Variants in FARS2 observed in about 807,000 individuals in gnomAD.
The protein encoded by FARS2 is phenylalanine--tRNA ligase, mitochondrial.
A neutral mutation model predicts 46.4 loss-of-function variants in FARS2; 40 were observed. The ratio of observed to expected loss-of-function variants is 0.86; its 90% CI spans 0.67 to 1.12. The LOEUF is 1.12. FARS2 is among the 50% of genes most tolerant of loss of function. The pLI is 0.00. For synonymous variants in FARS2, 234 were observed against 214.9 expected, an observed-to-expected ratio of 1.09 and a Z score of -0.78; for missense variants, 513 against 567.9, an observed-to-expected ratio of 0.90 and a Z score of 0.98.
At chr6:5,419,600 G>C (rs2127747129) in intron 3 of FARS2, among the ~76,000 whole-genome samples, 1 of 152,274 alleles carries the variant, frequency 6.6e-6, no homozygotes, top group South Asian at 2.1e-4. Flanking sequence ...TCCAGAGTGA[G>C]ATTTCCCAGG....
chr6:5,466,144 G>T (rs1765503179), intron 4 of FARS2, among the ~76,000 whole-genome samples: 2 of 152,040 alleles, frequency 1.3e-5, no homozygotes, highest in South Asian at 4.2e-4. Context: ...TTCTCTCTTT[G>T]CCTTGGTAAC....
intron 6 of FARS2, among the ~76,000 whole-genome samples, chr6:5,623,463 C>G (rs1404316763): frequency 6.6e-6 from 1 of 152,116 alleles, no homozygotes; most frequent in African/African-American, 2.4e-5. Flanking sequence ...TGTGTAATCC[C>G]AGCACTTTTG....
At chr6:5,293,511 C>T (rs200732751) in intron 1 of FARS2, among the ~76,000 whole-genome samples, 1 of 152,294 alleles carries the variant, frequency 6.6e-6, no homozygotes, top group East Asian at 1.9e-4. Context: ...AACCACAACA[C>T]TGGGCCATGT....
intron 6 of FARS2, among the ~76,000 whole-genome samples, chr6:5,733,904 T>G (rs969789295): frequency 1.3e-5 from 2 of 152,236 alleles, no homozygotes; most frequent in African/African-American, 4.8e-5. Context: ...GAGTAGGGAT[T>G]GGAATAGCCT....
At chr6:5,392,510 A>G (rs1406317455) in intron 2 of FARS2, among the ~76,000 whole-genome samples, 2 of 152,088 alleles carry the variant, frequency 1.3e-5, no homozygotes, top group Admixed American at 1.3e-4. Flanking sequence ...CTGTGAAATC[A>G]TGGGTTTGAT....
At chr6:5,467,176 T>C (rs2432799) in intron 4 of FARS2, 168,600 of 658,458 alleles carry the variant, frequency 0.26, 21,349 homozygotes, top group South Asian at 0.31. Context: ...TTTACATTTT[T>C]TGACTGTATG....
intron 1 of FARS2, among the ~76,000 whole-genome samples, chr6:5,261,997 A>G (rs36055504): frequency 0.35 from 53,783 of 151,866 alleles, 11,432 homozygotes; most frequent in African/African-American, 0.6. Flanking sequence ...CACTGGACGC[A>G]GGAAGCTTCA....
intron 2 of FARS2, among the ~76,000 whole-genome samples, chr6:5,372,927 A>C (rs540806766): frequency 6.6e-6 from 1 of 152,192 alleles, no homozygotes; most frequent in Admixed American, 6.5e-5. Context: ...TTACAAAAAA[A>C]GTGGAAGGGA....
chr6:5,638,751 G>T (rs1326108137), intron 6 of FARS2, among the ~76,000 whole-genome samples: 1 of 152,198 alleles, frequency 6.6e-6, no homozygotes, highest in Non-Finnish European at 1.5e-5. Context: ...GGACCCTGCT[G>T]CTCCTGACGA....
chr6:5,743,288 T>G (rs547571657), intron 6 of FARS2, among the ~76,000 whole-genome samples: 1 of 152,198 alleles, frequency 6.6e-6, no homozygotes, highest in Non-Finnish European at 1.5e-5. Context: ...ATGACCACAT[T>G]GGAAATGGCA....
At chr6:5,398,272 TATTA>T (rs1336411996) in intron 2 of FARS2, among the ~76,000 whole-genome samples, 1 of 152,208 alleles carries the variant, frequency 6.6e-6, no homozygotes, top group Non-Finnish European at 1.5e-5. Context: ...ATTCTAAAGG[TATTA>T]ATTAGAATTT....
intron 5 of FARS2, among the ~76,000 whole-genome samples, chr6:5,552,595 C>G (rs955561088): frequency 6.6e-6 from 1 of 152,150 alleles, no homozygotes; most frequent in Admixed American, 6.5e-5. Context: ...GAGTCCTCAC[C>G]TGTGTGACTC....
At chr6:5,582,766 T>A (rs1773407959) in intron 5 of FARS2, among the ~76,000 whole-genome samples, 1 of 152,184 alleles carries the variant, frequency 6.6e-6, no homozygotes, top group Non-Finnish European at 1.5e-5. Context: ...AGTTAAAAAA[T>A]TTTTGTTTGC....
chr6:5,762,648 C>T (rs1259901055), intron 6 of FARS2, among the ~76,000 whole-genome samples: 6 of 152,232 alleles, frequency 3.9e-5, no homozygotes, highest in Non-Finnish European at 8.8e-5. Flanking sequence ...GGAACTCTTA[C>T]GTTGCCGACG....
At chr6:5,683,597 G>GT (rs1394474211) in intron 6 of FARS2, among the ~76,000 whole-genome samples, 1 of 151,284 alleles carries the variant, frequency 6.6e-6, no homozygotes, top group Non-Finnish European at 1.5e-5. Context: ...TTTTGTTTTT[G>GT]TTTTTTTCTT....
chr6:5,601,276 C>G (rs1316865607), intron 5 of FARS2, among the ~76,000 whole-genome samples: 1 of 152,022 alleles, frequency 6.6e-6, no homozygotes, highest in Non-Finnish European at 1.5e-5. Context: ...AATCCCAGCA[C>G]TTTGGGAGGC....
At chr6:5,403,188 G>A (rs966311954) in intron 2 of FARS2, among the ~76,000 whole-genome samples, 2 of 152,150 alleles carry the variant, frequency 1.3e-5, no homozygotes, top group African/African-American at 4.8e-5. Flanking sequence ...AAACGGTTTT[G>A]TCTCATTTTG....
At chr6:5,759,221 C>T (rs765247179) in intron 6 of FARS2, among the ~76,000 whole-genome samples, 1 of 152,178 alleles carries the variant, frequency 6.6e-6, no homozygotes, top group African/African-American at 2.4e-5. Flanking sequence ...CTCTCACTTT[C>T]TTTCACTCCA....
intron 1 of FARS2, among the ~76,000 whole-genome samples, chr6:5,355,772 T>C (rs1459071577): frequency 6.6e-6 from 1 of 152,142 alleles, no homozygotes; most frequent in Non-Finnish European, 1.5e-5. Context: ...GAAAGTCGAA[T>C]GGTAAAACAT....
Sources: gnomAD v4.1 joint callset for allele counts (sites outside exome capture counted in the v4.1 genomes callset) on GRCh38, gnomAD v4.1.1 for gene constraint, MANE v1.5 for transcripts, NCBI Gene and HGNC (gene_info 2026-07-23, HGNC 2026-07-21) for gene names.